The following PARD3B variants were observed in gnomAD, a reference collection of about 807,000 sequenced individuals.
PARD3B encodes par-3 family cell polarity regulator beta.
In PARD3B, 103 loss-of-function variants were observed where a neutral mutation model predicts 130.2. That is an observed-to-expected ratio of 0.79 (90% CI 0.67 to 0.93). The LOEUF (loss-of-function observed/expected upper bound fraction) is 0.93, where lower values mean the gene tolerates loss of function less well. Among genes scored for constraint, PARD3B ranks in the 40% least tolerant of loss-of-function variants. The pLI is 0.00. For missense variants in PARD3B, 1,609 were observed against 1,499.2 expected (o/e 1.07, Z -1.21); for synonymous variants, 583 against 553.2 (o/e 1.05, Z -0.76).
chr2:204,570,398 C>T (rs2031924948), intron 1 of PARD3B, among the ~76,000 whole-genome samples: 1 of 152,170 alleles, frequency 6.6e-6, no homozygotes, highest in Non-Finnish European at 1.5e-5. Context: ...CTTTGTGCCG[C>T]CTTCTGTATT....
Position 205,575,552 on chromosome 2 carries a change from C to G in PARD3B, c.3260+22149C>G, listed in dbSNP as rs996730736. ...GTCATACCCCACTCCACACCATTACCCCTAGCTACTATTGATCTTTTTGCT... is the reference window on the plus strand; with the variant it reads ...GTCATACCCCACTCCACACCATTACGCCTAGCTACTATTGATCTTTTTGCT... On this transcript the variant is annotated intron_variant, in intron 22 of 22. Coordinates refer to ENST00000406610, the MANE Select transcript of PARD3B (RefSeq NM_001302769.2). The surrounding 1 kb of genome is among the most constrained non-coding windows in gnomAD (Gnocchi z 4.6). 1.3e-5 allele frequency among the ~76,000 whole-genome samples: 2 copies of G among 152,104 alleles called. No individual in the cohort carries two copies. The highest frequency in any genetic ancestry group is 2.4e-5 in the African/African-American group (1 of 41,430).
At chr2:204,800,352 A>T (rs1010934605) in intron 2 of PARD3B, among the ~76,000 whole-genome samples, 11 of 151,428 alleles carry the variant, frequency 7.3e-5, no homozygotes, top group Admixed American at 7.2e-4. Context: ...CAAAGAAAAA[A>T]ATCAAAGCAC....
chr2:204,704,261 G>C lies in PARD3B; in HGVS notation c.222+17979G>C, dbSNP rs183645354. ...GCAGATATTATTGAGAATATGTTTG[G>C]ATTCATACAGATGCTTGGAATCTTT... On this transcript the variant is annotated intron_variant, in intron 2 of 22. Coordinates refer to ENST00000406610, the MANE Select transcript of PARD3B (RefSeq NM_001302769.2). 2.8e-3 allele frequency among the ~76,000 whole-genome samples: 433 copies of C among 152,192 alleles called. 15 individuals carry two copies. Among genetic ancestry groups the C allele is most frequent in the Admixed American group, 0.025 (388 of 15,284 alleles).
chr2:204,698,549 G>GTT (rs563503534), intron 2 of PARD3B, among the ~76,000 whole-genome samples: 2 of 147,166 alleles, frequency 1.4e-5, no homozygotes, highest in East Asian at 2.0e-4. Flanking sequence ...TGTTGATTGG[G>GTT]TTTTTTTTTT....
intron 2 of PARD3B, among the ~76,000 whole-genome samples, chr2:204,701,085 A>C (rs187530163): frequency 1.3e-5 from 2 of 152,108 alleles, no homozygotes; most frequent in Non-Finnish European, 2.9e-5. Context: ...TGTTTTAGTA[A>C]CATACTTTTC....
At chr2:204,603,737 A>G (rs1262072882) in intron 1 of PARD3B, among the ~76,000 whole-genome samples, 1 of 152,180 alleles carries the variant, frequency 6.6e-6, no homozygotes, top group Admixed American at 6.6e-5. Flanking sequence ...CACAAAAAGA[A>G]TATGAAACTA....
chr2:204,893,678 G>A (rs1325292613), intron 2 of PARD3B, among the ~76,000 whole-genome samples: 5 of 152,056 alleles, frequency 3.3e-5, no homozygotes, highest in Non-Finnish European at 7.4e-5. Context: ...TGGAAATAAG[G>A]CATGTTTTGT....
intron 4 of PARD3B, chr2:205,048,191 C>G (rs1698933485): frequency 6.6e-6 from 1 of 152,278 alleles, no homozygotes; most frequent in South Asian, 2.1e-4. Context: ...CAATGCTTTG[C>G]AAAACCATAC....
At chr2:205,041,910 C>T (rs1300505682) in intron 3 of PARD3B, among the ~76,000 whole-genome samples, 1 of 152,004 alleles carries the variant, frequency 6.6e-6, no homozygotes, top group African/African-American at 2.4e-5. Flanking sequence ...TTCAAAACCC[C>T]CAAACATATT....
chr2:205,507,375 C>T (rs551308245), intron 21 of PARD3B, among the ~76,000 whole-genome samples: 6 of 151,652 alleles, frequency 4.0e-5, no homozygotes, highest in Admixed American at 6.6e-5. Context: ...CCACCACGCC[C>T]GGCTAATTTT....
chr2:204,929,199 T>C (rs1391083567), intron 2 of PARD3B, among the ~76,000 whole-genome samples: 1 of 152,124 alleles, frequency 6.6e-6, no homozygotes, highest in African/African-American at 2.4e-5. Context: ...GAATTTGCTG[T>C]TAATAAAAGG....
At chr2:205,164,377 C>G (rs2034678745) in intron 11 of PARD3B, among the ~76,000 whole-genome samples, 1 of 152,132 alleles carries the variant, frequency 6.6e-6, no homozygotes, top group Admixed American at 6.5e-5. Flanking sequence ...ATCACTTGAG[C>G]TCAGGAGTTC....
At chr2:205,469,136 G>C (rs1298246215) in intron 20 of PARD3B, among the ~76,000 whole-genome samples, 1 of 152,094 alleles carries the variant, frequency 6.6e-6, no homozygotes, top group East Asian at 1.9e-4. Context: ...AAATCTTGAA[G>C]CAGGCATGAT....
chr2:204,574,896 C>A (rs1474180957), intron 1 of PARD3B, among the ~76,000 whole-genome samples: 1 of 152,168 alleles, frequency 6.6e-6, no homozygotes, highest in South Asian at 2.1e-4. Flanking sequence ...AAATTAACAG[C>A]ATACGCTTTA....
chr2:205,493,782 G>A (rs11890616), intron 20 of PARD3B, among the ~76,000 whole-genome samples: 5,285 of 151,180 alleles, frequency 0.035, 317 homozygotes, highest in African/African-American at 0.12. Context: ...TTTTGAGGCA[G>A]AGTCTTGCTC....
intron 1 of PARD3B, among the ~76,000 whole-genome samples, chr2:204,648,589 TTA>T (rs1228907046): frequency 7.9e-6 from 1 of 126,096 alleles, no homozygotes; most frequent in Non-Finnish European, 1.6e-5. Context: ...ATATATTATA[TTA>T]TATATAATAT....
At chr2:205,385,381 G>A (rs957448113) in intron 18 of PARD3B, among the ~76,000 whole-genome samples, 3 of 151,994 alleles carry the variant, frequency 2.0e-5, no homozygotes, top group South Asian at 2.1e-4. Flanking sequence ...TAACAAAAAC[G>A]TTTTATGTTA....
intron 1 of PARD3B, among the ~76,000 whole-genome samples, chr2:204,633,796 A>G (rs2034774313): frequency 6.6e-6 from 1 of 152,194 alleles, no homozygotes; most frequent in Non-Finnish European, 1.5e-5. Flanking sequence ...TGGGCAACAG[A>G]GCGAGACTGT....
intron 4 of PARD3B, among the ~76,000 whole-genome samples, chr2:205,068,817 T>C (rs548857595): frequency 5.3e-5 from 8 of 152,280 alleles, no homozygotes; most frequent in African/African-American, 1.9e-4. Flanking sequence ...TATTTTAAAT[T>C]TTTTGAACAT....
Sources: allele counts gnomAD v4.1 joint callset (sites outside exome capture counted in the v4.1 genomes callset), GRCh38; gene constraint gnomAD v4.1.1; non-coding constraint Gnocchi (gnomAD v3.1); transcripts MANE v1.5; gene names NCBI Gene and HGNC (gene_info 2026-07-23, HGNC 2026-07-21).